Variants in ERICH3 observed in about 807,000 individuals in gnomAD.
ERICH3 encodes glutamate-rich protein 3.
In ERICH3, 126 loss-of-function variants were observed where a neutral mutation model predicts 131.1. That is an observed-to-expected ratio of 0.96 (90% confidence interval 0.83 to 1.11). The LOEUF (loss-of-function observed/expected upper bound fraction) is 1.11, where lower values mean the gene tolerates loss of function less well. Ranked by LOEUF, ERICH3 falls within the 50% of genes most tolerant of loss-of-function variation. The probability of loss-of-function intolerance (pLI) is 0.00; values close to 1 mark genes in which losing one functional copy is unlikely to be tolerated. For missense variants in ERICH3, 2,050 were observed against 1,810.7 expected, an observed-to-expected ratio of 1.13 and a Z score of -2.40; for synonymous variants, 695 against 644.6, an observed-to-expected ratio of 1.08 and a Z score of -1.18.
chr1:74,573,300 C>T lies in ERICH3; in HGVS notation c.2410G>A (p.Val804Ile), dbSNP rs142804796. 2.7e-4 allele frequency: 434 copies of T among 1,601,166 alleles called. No homozygotes were observed. The African/African-American group carries it at 5.2e-3, about 19-fold the overall frequency. Residue 804 changes from valine to isoleucine, a missense_variant, in exon 14 of 15, where the codon GTT becomes ATT. Coordinates refer to ENST00000326665, the MANE Select transcript of ERICH3 (RefSeq NM_001002912.5). The part of the protein sequence containing the change: ...EAALWGEAGA[V>I]HEAPLRAWKP... Reference sequence around the variant, plus strand: ...CACGCCCTCAAGGGAGCCTCATGAACAGCTCCTGCTTCTCCCCACAGTGCT... The same window carrying T: ...CACGCCCTCAAGGGAGCCTCATGAATAGCTCCTGCTTCTCCCCACAGTGCT...
intron 1 of ERICH3, among the ~76,000 whole-genome samples, chr1:74,665,280 G>A (rs558843197): frequency 6.6e-6 from 1 of 151,694 alleles, no homozygotes; most frequent in South Asian, 2.1e-4. Flanking sequence ...TGTCTCTTGG[G>A]CTCCCCAACC....
chr1:74,673,615 T>C lies in ERICH3; in HGVS notation c.-96A>G, dbSNP rs1646762522. 1 of 1,435,108 alleles carries C rather than the reference T, an allele frequency of 7.0e-7. No homozygotes were observed. Among genetic ancestry groups the C allele is most frequent in the East Asian group, 2.5e-5 (1 of 39,258 alleles). The allele number at this position is 1,435,108 out of a possible 1,614,324, so 88.9% of individuals were successfully genotyped here. A position where few individuals can be genotyped will look rare whatever the true frequency, so the allele number is the denominator to read the frequency against. ...CGCTGCGACAGTCGCGCTCGAGGGG[T>C]GGCTCCGCACCGAGGTCCCCTGTGC... On this transcript the variant is annotated 5_prime_UTR_variant, in exon 1 of 15. Transcript: ENST00000326665.
chr1:74,657,487 G>T (rs899368657), intron 1 of ERICH3, among the ~76,000 whole-genome samples: 1 of 152,100 alleles, frequency 6.6e-6, no homozygotes, highest in Non-Finnish European at 1.5e-5. Flanking sequence ...TCATATAAAT[G>T]ATTTTATATT....
At chr1:74,575,049 C>T (rs977476378) in intron 13 of ERICH3, among the ~76,000 whole-genome samples, 2 of 150,500 alleles carry the variant, frequency 1.3e-5, no homozygotes, top group African/African-American at 4.9e-5. Flanking sequence ...TTTTTACTTG[C>T]TTGCCTTCTT....
At chr1:74,586,155 G>A (rs1319364002) in intron 12 of ERICH3, among the ~76,000 whole-genome samples, 1 of 151,850 alleles carries the variant, frequency 6.6e-6, no homozygotes, top group Non-Finnish European at 1.5e-5. Flanking sequence ...TAAAGAAAAC[G>A]TGCAGTTATA....
intron 1 of ERICH3, among the ~76,000 whole-genome samples, chr1:74,652,546 CT>C (rs35132035): frequency 0.18 from 27,222 of 147,538 alleles, 2,624 homozygotes; most frequent in South Asian, 0.31. Context: ...CTTTTCTTTT[CT>C]TTTTTTTTTT....
At chr1:74,618,380 A>G (rs1353358451) in intron 8 of ERICH3, among the ~76,000 whole-genome samples, 1 of 152,190 alleles carries the variant, frequency 6.6e-6, no homozygotes. Context: ...CAAAGGAAAA[A>G]TAATAGTGCG....
intron 12 of ERICH3, chr1:74,579,313 T>C (rs1647134130): frequency 1.3e-6 from 1 of 764,446 alleles, no homozygotes; most frequent in East Asian, 1.3e-4. Flanking sequence ...ATAATATTAA[T>C]AATAAACAAT....
intron 1 of ERICH3, among the ~76,000 whole-genome samples, chr1:74,650,091 G>A (rs1375098224): frequency 6.6e-6 from 1 of 152,044 alleles, no homozygotes; most frequent in African/African-American, 2.4e-5. Flanking sequence ...ATAAAGATAT[G>A]ATTTTGTTTG....
intron 1 of ERICH3, among the ~76,000 whole-genome samples, chr1:74,655,647 T>A (rs182080004): frequency 2.0e-5 from 3 of 152,328 alleles, no homozygotes; most frequent in African/African-American, 7.2e-5. Context: ...TAATTCCATC[T>A]GCAACTTTTA....
At chr1:74,651,942 G>A (rs1646538863) in intron 1 of ERICH3, among the ~76,000 whole-genome samples, 1 of 152,100 alleles carries the variant, frequency 6.6e-6, no homozygotes, top group Non-Finnish European at 1.5e-5. Flanking sequence ...TAACAAATGT[G>A]TGCACGATGC....
In ERICH3 at chr1:74,641,444, T is replaced by C; in HGVS notation, c.331A>G (p.Arg111Gly). Residue 111 changes from arginine to glycine, a missense_variant, in exon 5 of 15, where the codon AGG becomes GGG. By Grantham distance (125) the Arg-to-Gly change is moderately radical. Transcript: ENST00000326665. ...ATTGGCATGTTATTTTCAACAGACC[T>C]TCTTGTGTGCTCTCCCTAGAATAAG... ...IQRFKGEHTR[R>G]SVENNMPILS... 6.2e-7 allele frequency: 1 copy of C among 1,611,336 alleles called. No individual in the cohort carries two copies. The highest frequency in any genetic ancestry group is 8.5e-7 in the Non-Finnish European group (1 of 1,179,014).
intron 7 of ERICH3, chr1:74,625,846 T>A (rs1219559485): frequency 6.6e-6 from 1 of 152,146 alleles, no homozygotes; most frequent in African/African-American, 2.4e-5. Flanking sequence ...AAAAGGATTA[T>A]CAGGTACATG....
intron 10 of ERICH3, among the ~76,000 whole-genome samples, chr1:74,604,195 A>G (rs1483111093): frequency 6.6e-6 from 1 of 151,902 alleles, no homozygotes; most frequent in Admixed American, 6.6e-5. Flanking sequence ...TTCATCCCTA[A>G]GAAGCAACTC....
At chr1:74,610,396 G>T (rs1436914124) in intron 9 of ERICH3, among the ~76,000 whole-genome samples, 1 of 148,286 alleles carries the variant, frequency 6.7e-6, no homozygotes, top group African/African-American at 2.5e-5. Flanking sequence ...TCTCTATCTT[G>T]TATGCCTTCT....
chr1:74,594,081 A>T (rs1305053981), intron 11 of ERICH3, among the ~76,000 whole-genome samples: 3 of 152,090 alleles, frequency 2.0e-5, no homozygotes, highest in Non-Finnish European at 4.4e-5. Flanking sequence ...CACCACTCCA[A>T]AGCTCAGAGT....
chr1:74,651,417 A>G (rs1646532639), intron 1 of ERICH3, among the ~76,000 whole-genome samples: 1 of 152,170 alleles, frequency 6.6e-6, no homozygotes, highest in Non-Finnish European at 1.5e-5. Context: ...GAGCTTCAGT[A>G]AGGCACATAG....
intron 1 of ERICH3, among the ~76,000 whole-genome samples, chr1:74,660,631 C>T (rs1646632702): frequency 6.8e-6 from 1 of 147,470 alleles, no homozygotes. Flanking sequence ...TATATATATA[C>T]ACATGTGTAT....
intron 9 of ERICH3, among the ~76,000 whole-genome samples, chr1:74,607,203 C>T (rs1326651302): frequency 5.3e-5 from 8 of 151,924 alleles, no homozygotes; most frequent in Non-Finnish European, 1.5e-5. Flanking sequence ...TCTGTGTCTT[C>T]AAGTATATTT....
Sources: gnomAD v4.1 joint callset for allele counts (sites outside exome capture counted in the v4.1 genomes callset) on GRCh38, gnomAD v4.1.1 for gene constraint, MANE v1.5 for transcripts, NCBI Gene and HGNC (gene_info 2026-07-23, HGNC 2026-07-21) for gene names.